Variants in SNRPN observed in about 807,000 individuals in gnomAD.
SNRPN encodes the protein small nuclear ribonucleoprotein-associated protein N.
A neutral mutation model predicts 25.2 loss-of-function variants in SNRPN; 7 were observed. That is an observed-to-expected ratio of 0.28 (90% CI 0.16 to 0.52). The LOEUF (loss-of-function observed/expected upper bound fraction) is 0.52, where lower values mean the gene tolerates loss of function less well. Among genes scored for constraint, SNRPN ranks in the 20% least tolerant of loss-of-function variants. The probability of loss-of-function intolerance (pLI) is 0.96; values close to 1 mark genes in which losing one functional copy is unlikely to be tolerated. For missense variants in SNRPN, 196 were observed against 322.5 expected (o/e 0.61, Z 3.00); for synonymous variants, 124 against 110.6 (o/e 1.12, Z -0.76).
At chr15:24,966,501 A>G (rs1157431210) in intron 2 of SNRPN, among the ~76,000 whole-genome samples, 1 of 151,814 alleles carries the variant, frequency 6.6e-6, no homozygotes, top group Non-Finnish European at 1.5e-5. Context: ...TCAGTCAGCA[A>G]CTCTCCTGCC....
rs142283381 is a variant in SNRPN at position 24,900,275 on chromosome 15, C to A, written c.-505+13686C>A. 2.6e-4 allele frequency among the ~76,000 whole-genome samples: 40 copies of A among 152,094 alleles called. No individual in the cohort carries two copies. In the East Asian group the frequency reaches 5.8e-3, roughly 22 times the overall value. On this transcript the variant is annotated intron_variant, in intron 2 of 11. Transcript: ENST00000400097. ...TTTGAAAACCTGAGAACTTCCATGGCGACTATAAAGGAAATTCATTTGTTG... is the reference window on the plus strand; with the variant it reads ...TTTGAAAACCTGAGAACTTCCATGGAGACTATAAAGGAAATTCATTTGTTG...
intron 1 of SNRPN, among the ~76,000 whole-genome samples, chr15:24,961,793 T>C (rs1196629089): frequency 6.6e-6 from 1 of 152,170 alleles, no homozygotes; most frequent in Non-Finnish European, 1.5e-5. Context: ...AGTGGTGGTA[T>C]GTATGTATCT....
chr15:24,832,006 T>G (rs1393595059), intron 2 of SNRPN, among the ~76,000 whole-genome samples: 1 of 151,978 alleles, frequency 6.6e-6, no homozygotes, highest in Non-Finnish European at 1.5e-5. Context: ...TACCTTTGGA[T>G]ATATACCCAG....
At chr15:24,861,375 T>A (rs1321530109) in intron 1 of SNRPN, among the ~76,000 whole-genome samples, 2 of 152,188 alleles carry the variant, frequency 1.3e-5, no homozygotes, top group Non-Finnish European at 2.9e-5. Context: ...TATTTAAACA[T>A]GTAACCTATC....
chr15:24,904,469 A>C (rs943235080), intron 2 of SNRPN, among the ~76,000 whole-genome samples: 1 of 152,276 alleles, frequency 6.6e-6, no homozygotes, highest in East Asian at 1.9e-4. Context: ...GGCCTGGCCA[A>C]CATGGTGAAA....
chr15:24,940,496 T>G (rs1225375335), intron 3 of SNRPN, among the ~76,000 whole-genome samples: 1 of 152,228 alleles, frequency 6.6e-6, no homozygotes, highest in African/African-American at 2.4e-5. Flanking sequence ...GCACAATTGT[T>G]GAAAATCATT....
intron 2 of SNRPN, among the ~76,000 whole-genome samples, chr15:24,846,978 G>A (rs1447581222): frequency 1.3e-5 from 2 of 152,114 alleles, no homozygotes; most frequent in Admixed American, 6.6e-5. Context: ...TGAGGAAAAT[G>A]AGAGACAACA....
intron 2 of SNRPN, among the ~76,000 whole-genome samples, chr15:24,842,704 A>G (rs1206238927): frequency 6.6e-6 from 1 of 152,192 alleles, no homozygotes; most frequent in Non-Finnish European, 1.5e-5. Flanking sequence ...GAACAAGGCC[A>G]GGGTTGTTCC....
At chr15:24,885,715 G>GGTGTGTGT (rs749166826) in intron 1 of SNRPN, among the ~76,000 whole-genome samples, 1 of 74,886 alleles carries the variant, frequency 1.3e-5, no homozygotes, top group East Asian at 8.0e-4. Context: ...GGAATCTGGG[G>GGTGTGTGT]CTGTGTGTGT....
rs372197183 is a variant in SNRPN at position 24,977,731 on chromosome 15, T to A, written c.421-47T>A. 7 of 1,529,730 alleles carry A rather than the reference T, an allele frequency of 4.6e-6. No homozygotes were observed. In the African/African-American group the frequency reaches 9.7e-5, roughly 21 times the overall value. 94.8% of individuals were successfully genotyped at this position (1,529,730 alleles called of 1,614,324 possible). A position where few individuals can be genotyped will look rare whatever the true frequency, so the allele number is the denominator to read the frequency against. ...TCATTTATTTTCTGTGTTTGAATAA[T>A]GTGAAGGTTTGCATCGCTTTGACTG... On this transcript the variant is annotated intron_variant, in intron 7 of 9. Coordinates refer to ENST00000390687, the MANE Select transcript of SNRPN (RefSeq NM_003097.6).
intron 3 of SNRPN, among the ~76,000 whole-genome samples, chr15:24,944,759 A>G (rs1192302954): frequency 1.3e-5 from 2 of 152,180 alleles, no homozygotes; most frequent in African/African-American, 4.8e-5. Context: ...GTATAGTCTC[A>G]GTCTCTGTTT....
chr15:24,956,432 C>G (rs4906939), intron 1 of SNRPN, among the ~76,000 whole-genome samples: 6 of 150,572 alleles, frequency 4.0e-5, no homozygotes, highest in African/African-American at 1.5e-4. Context: ...TCTGCTGTTT[C>G]GGAGTTTCAG....
chr15:24,909,503 C>A, intron 2 of SNRPN: 2 of 1,534,938 alleles, frequency 1.3e-6, no homozygotes, highest in Non-Finnish European at 1.8e-6. Flanking sequence ...GAGAAGCCTG[C>A]GGGCCAGCGG....
chr15:24,833,765 T>G (rs4028397), intron 2 of SNRPN, among the ~76,000 whole-genome samples: 3 of 151,784 alleles, frequency 2.0e-5, no homozygotes, highest in East Asian at 2.0e-4. Context: ...GAAGAGAGGT[T>G]GTTGTTTAAT....
intron 2 of SNRPN, among the ~76,000 whole-genome samples, chr15:24,965,094 A>G (rs1457390897): frequency 4.6e-5 from 7 of 152,168 alleles, no homozygotes; most frequent in African/African-American, 1.4e-4. Context: ...CTCATTGTCC[A>G]TGTGTTTAGG....
At chr15:24,907,275 T>A (rs147397467) in intron 2 of SNRPN, among the ~76,000 whole-genome samples, 4 of 152,164 alleles carry the variant, frequency 2.6e-5, no homozygotes, top group African/African-American at 4.8e-5. Context: ...TCCCCACTGC[T>A]ATGGTTCTAA....
intron 2 of SNRPN, among the ~76,000 whole-genome samples, chr15:24,916,109 C>A (rs191462289): frequency 6.6e-6 from 1 of 151,624 alleles, no homozygotes; most frequent in Non-Finnish European, 1.5e-5. Context: ...TACAGGCACC[C>A]GCCACCAAGC....
chr15:24,928,824 T>C (rs1222571643), intron 3 of SNRPN, among the ~76,000 whole-genome samples: 1 of 152,010 alleles, frequency 6.6e-6, no homozygotes, highest in Non-Finnish European at 1.5e-5. Context: ...CCCAGGCTAG[T>C]CTCAAACTCC....
upstream of SNRPN, among the ~76,000 whole-genome samples, chr15:24,854,243 C>A (rs2053170123): frequency 6.6e-6 from 1 of 151,630 alleles, no homozygotes; most frequent in African/African-American, 2.4e-5. Context: ...TTTAATACTG[C>A]TACAGTGGCA....
Sources: gnomAD v4.1 joint callset for allele counts (sites outside exome capture counted in the v4.1 genomes callset) on GRCh38, gnomAD v4.1.1 for gene constraint, MANE v1.5 for transcripts, NCBI Gene and HGNC (gene_info 2026-07-23, HGNC 2026-07-21) for gene names.